The following KDM4C variants were observed in gnomAD, a reference collection of about 807,000 sequenced individuals.
KDM4C encodes lysine-specific demethylase 4C.
Under a neutral mutation model 129.3 loss-of-function variants are expected in KDM4C, and 81 were observed. The ratio of observed to expected loss-of-function variants is 0.63; its 90% CI spans 0.52 to 0.75. KDM4C has a LOEUF of 0.75. Ranked by LOEUF, KDM4C falls within the 30% of genes least tolerant of loss-of-function variation. The pLI is 0.00. For synonymous variants in KDM4C, 573 were observed against 456.1 expected (o/e 1.26, Z -3.26); for missense variants, 1,457 against 1,304.0 (o/e 1.12, Z -1.81).
At chr9:6,862,891 T>C (rs1347507162) in intron 5 of KDM4C, among the ~76,000 whole-genome samples, 3 of 152,176 alleles carry the variant, frequency 2.0e-5, no homozygotes, top group Admixed American at 6.5e-5. Context: ...GCTTCAGTAC[T>C]TTGTTGGAGT....
intron 20 of KDM4C, among the ~76,000 whole-genome samples, chr9:7,165,930 C>A (rs954361438): frequency 2.6e-5 from 4 of 152,036 alleles, no homozygotes; most frequent in African/African-American, 9.7e-5. Flanking sequence ...CCAGGGAACC[C>A]TACGTAGTAT....
intron 1 of KDM4C, among the ~76,000 whole-genome samples, chr9:6,736,696 C>T (rs1335857877): frequency 6.6e-6 from 1 of 152,014 alleles, no homozygotes; most frequent in Non-Finnish European, 1.5e-5. Context: ...GGCTCTGTCC[C>T]AAAGCTCCTA....
At chr9:6,742,326 G>C (rs888935796) in intron 1 of KDM4C, among the ~76,000 whole-genome samples, 1 of 152,042 alleles carries the variant, frequency 6.6e-6, no homozygotes, top group South Asian at 2.1e-4. Context: ...CTATTTTCAA[G>C]ATTTTCTTTG....
At chr9:6,762,804 A>G (rs145198158) in intron 1 of KDM4C, among the ~76,000 whole-genome samples, 14,503 of 151,488 alleles carry the variant, frequency 0.096, 794 homozygotes, top group Non-Finnish European at 0.11. Flanking sequence ...AATTACAGGC[A>G]CCTGCCATCA....
intron 1 of KDM4C, among the ~76,000 whole-genome samples, chr9:6,772,145 C>G (rs1477234191): frequency 1.3e-5 from 2 of 152,074 alleles, no homozygotes; most frequent in African/African-American, 4.8e-5. Flanking sequence ...CGTAGGAGAA[C>G]AGTCTGTTTT....
chr9:7,051,553 T>C (rs1830152934), intron 17 of KDM4C, among the ~76,000 whole-genome samples: 1 of 152,166 alleles, frequency 6.6e-6, no homozygotes, highest in Non-Finnish European at 1.5e-5. Flanking sequence ...ACCTAACAAG[T>C]TCATGGCCGG....
At chr9:7,135,608 T>TTGC (rs398073439) in intron 19 of KDM4C, among the ~76,000 whole-genome samples, 1 of 151,952 alleles carries the variant, frequency 6.6e-6, no homozygotes, top group African/African-American at 2.4e-5. Context: ...CTGAGCTATG[T>TTGC]GTTGAACACT....
At chr9:6,995,545 G>C (rs556819456) in intron 12 of KDM4C, among the ~76,000 whole-genome samples, 32 of 152,144 alleles carry the variant, frequency 2.1e-4, no homozygotes, top group Non-Finnish European at 2.5e-4. Context: ...AGCACTCTTG[G>C]GATAATGCCT....
chr9:6,904,300 A>G (rs758444817), intron 8 of KDM4C, among the ~76,000 whole-genome samples: 2 of 152,178 alleles, frequency 1.3e-5, no homozygotes, highest in Non-Finnish European at 2.9e-5. Flanking sequence ...ATATCTATAT[A>G]TGTCTTTCAT....
In KDM4C at chr9:7,075,610, C is replaced by A. The variant is rs10123010; in HGVS notation, c.2424+26410C>A. ...GCTTTCCACAGTGAGTTGAAGCAGC[C>A]TGAGGTCCTCACCACATGCAGATGC... On this transcript the variant is annotated intron_variant, in intron 17 of 21. Transcript: ENST00000381309. Among the ~76,000 whole-genome samples, 746 of 152,258 alleles carry A rather than the reference C, an allele frequency of 4.9e-3. 4 individuals carry two copies. Among genetic ancestry groups the A allele is most frequent in the African/African-American group, 0.017 (715 of 41,536 alleles).
chr9:6,787,815 C>G (rs1355017526), intron 1 of KDM4C, among the ~76,000 whole-genome samples: 1 of 152,204 alleles, frequency 6.6e-6, no homozygotes, highest in Non-Finnish European at 1.5e-5. Context: ...AGAAAAGTTT[C>G]TTTAGAGACA....
chr9:7,113,158 A>G (rs866186078), intron 18 of KDM4C, among the ~76,000 whole-genome samples: 1 of 152,212 alleles, frequency 6.6e-6, no homozygotes, highest in Non-Finnish European at 1.5e-5. Flanking sequence ...AAAAAATACT[A>G]TAGCGATTCA....
At chr9:7,124,615 C>A (rs997090826) in intron 18 of KDM4C, among the ~76,000 whole-genome samples, 1 of 152,104 alleles carries the variant, frequency 6.6e-6, no homozygotes. Context: ...TCGTAAACTG[C>A]GTAATTATTT....
intron 12 of KDM4C, among the ~76,000 whole-genome samples, chr9:7,003,538 T>G (rs1336270102): frequency 6.6e-6 from 1 of 152,170 alleles, no homozygotes; most frequent in Non-Finnish European, 1.5e-5. Flanking sequence ...TGAAATACTT[T>G]TGTATCAGTG....
chr9:6,721,139 T>A (rs1816933908), intron 1 of KDM4C: 11 of 654,598 alleles, frequency 1.7e-5, no homozygotes, highest in Non-Finnish European at 2.9e-5. Flanking sequence ...AGTGGTGCAA[T>A]CACACCTCAC....
At chr9:6,820,405 C>G (rs1470051625) in intron 4 of KDM4C, among the ~76,000 whole-genome samples, 4 of 152,096 alleles carry the variant, frequency 2.6e-5, no homozygotes, top group African/African-American at 4.8e-5. Context: ...AGGAAAAACT[C>G]GAATAGCAGC....
chr9:6,827,576 C>G (rs138406092), intron 4 of KDM4C, among the ~76,000 whole-genome samples: 2,092 of 152,298 alleles, frequency 0.014, 39 homozygotes, highest in African/African-American at 0.048. Flanking sequence ...TTATTTGAGG[C>G]TGTGGGTTTC....
At chr9:7,066,578 A>G (rs1404185664) in intron 17 of KDM4C, among the ~76,000 whole-genome samples, 2 of 152,254 alleles carry the variant, frequency 1.3e-5, no homozygotes, top group Non-Finnish European at 2.9e-5. Flanking sequence ...AAATGACAAT[A>G]AACATGTTAA....
At chr9:7,007,571 C>T (rs1305006900) in intron 12 of KDM4C, among the ~76,000 whole-genome samples, 3 of 152,186 alleles carry the variant, frequency 2.0e-5, no homozygotes, top group Non-Finnish European at 4.4e-5. Flanking sequence ...TTGAAGCCTA[C>T]ATCAGGTGTT....
Sources: allele counts gnomAD v4.1 joint callset (sites outside exome capture counted in the v4.1 genomes callset), GRCh38; gene constraint gnomAD v4.1.1; transcripts MANE v1.5; gene names NCBI Gene and HGNC (gene_info 2026-07-23, HGNC 2026-07-21).